The following HMG20A variants were observed in gnomAD, a reference collection of about 807,000 sequenced individuals.
The protein encoded by HMG20A is high mobility group protein 20A.
In HMG20A, 17 loss-of-function variants were observed where a neutral mutation model predicts 43.9. The observed-to-expected ratio is 0.39, with a 90% CI of 0.27 to 0.58. HMG20A has a LOEUF of 0.58. Among genes scored for constraint, HMG20A ranks in the 20% least tolerant of loss-of-function variants. HMG20A has a pLI of 0.59. For synonymous variants in HMG20A, 132 were observed against 147.5 expected (o/e 0.89, Z 0.76); for missense variants, 341 against 438.2 (o/e 0.78, Z 1.98).
At chr15:77,450,259 T>C (rs1021912291) in intron 1 of HMG20A, among the ~76,000 whole-genome samples, 3 of 151,924 alleles carry the variant, frequency 2.0e-5, no homozygotes. Context: ...CCTCCCCGAG[T>C]AGCTAGGACT....
At chr15:77,507,469 C>T in the HMG20A span, among the ~76,000 whole-genome samples, 3 of 152,152 alleles carry the variant, frequency 2.0e-5, no homozygotes, top group Non-Finnish European at 2.9e-5. Context: ...CTGAGGAAAA[C>T]TGAGTCTAGA....
the HMG20A span, among the ~76,000 whole-genome samples, chr15:77,515,978 G>C: frequency 6.6e-6 from 1 of 152,192 alleles, no homozygotes; most frequent in Non-Finnish European, 1.5e-5. Flanking sequence ...TCTCTAGTGG[G>C]CTGATGCTGC....
the HMG20A span, among the ~76,000 whole-genome samples, chr15:77,506,050 C>A: frequency 3.6e-4 from 55 of 150,858 alleles, no homozygotes; most frequent in Admixed American, 1.5e-3. Flanking sequence ...TTCTACCCCC[C>A]CACCTAGGGT....
intron 1 of HMG20A, among the ~76,000 whole-genome samples, chr15:77,441,741 C>T (rs2073615073): frequency 6.6e-6 from 1 of 152,040 alleles, no homozygotes; most frequent in Non-Finnish European, 1.5e-5. Flanking sequence ...CACAGTTAAG[C>T]TTTTTTTCCC....
chr15:77,514,747 A>G, the HMG20A span, among the ~76,000 whole-genome samples: 19 of 152,198 alleles, frequency 1.2e-4, no homozygotes, highest in African/African-American at 4.6e-4. Flanking sequence ...CGACATAATC[A>G]CATTGCATTG....
chr15:77,498,240 C>G, the HMG20A span, among the ~76,000 whole-genome samples: 1 of 152,262 alleles, frequency 6.6e-6, no homozygotes, highest in East Asian at 1.9e-4. Flanking sequence ...AGAGCTGCTG[C>G]CGGCACTTTC....
At chr15:77,474,800 T>A (rs16968848) in intron 6 of HMG20A, among the ~76,000 whole-genome samples, 1 of 151,994 alleles carries the variant, frequency 6.6e-6, no homozygotes, top group African/African-American at 2.4e-5. Flanking sequence ...AAAGTAAAAG[T>A]CTCTTGAGAG....
chr15:77,458,680 A>C (rs547134058), intron 2 of HMG20A, 184 bp downstream of exon 2: 2 of 446,234 alleles, frequency 4.5e-6, no homozygotes, highest in Non-Finnish European at 8.0e-6. Context: ...TATCTTTTGC[A>C]GTGCTCTGGT....
intron 6 of HMG20A, 138 bp downstream of exon 6, chr15:77,471,952 A>G (rs139707261): frequency 1.1e-3 from 596 of 541,014 alleles, no homozygotes; most frequent in Non-Finnish European, 1.4e-3. Flanking sequence ...GAGATACTTT[A>G]GCTTGGGGGT....
the HMG20A span, among the ~76,000 whole-genome samples, chr15:77,491,260 C>T: frequency 6.6e-6 from 1 of 152,210 alleles, no homozygotes; most frequent in East Asian, 1.9e-4. Flanking sequence ...GGTTTAAAGA[C>T]TCAGCAAATG....
intron 4 of HMG20A, 141 bp downstream of exon 4, chr15:77,467,448 A>G (rs1439899166): frequency 5.9e-6 from 4 of 679,864 alleles, no homozygotes; most frequent in Admixed American, 2.8e-5. Flanking sequence ...AGGGTCCATC[A>G]TAGCAATTTT....
chr15:77,421,060 TGAA>T (rs930907613), intron 1 of HMG20A, 56 bp downstream of exon 1: 41 of 397,400 alleles, frequency 1.0e-4, no homozygotes, highest in Non-Finnish European at 1.6e-4. Flanking sequence ...CTTCACCCCT[TGAA>T]GATCACCCCT....
At chr15:77,430,392 G>A (rs2073472126) in intron 1 of HMG20A, among the ~76,000 whole-genome samples, 2 of 152,170 alleles carry the variant, frequency 1.3e-5, no homozygotes, top group Non-Finnish European at 2.9e-5. Flanking sequence ...TAATGCTTTT[G>A]CTAAGAACAG....
At chr15:77,508,344 T>C in the HMG20A span, among the ~76,000 whole-genome samples, 1 of 152,182 alleles carries the variant, frequency 6.6e-6, no homozygotes, top group Non-Finnish European at 1.5e-5. Context: ...CTCCCTTCGT[T>C]GCTTCTTGCA....
intron 1 of HMG20A, among the ~76,000 whole-genome samples, chr15:77,444,338 T>C (rs929969044): frequency 6.6e-6 from 1 of 152,188 alleles, no homozygotes; most frequent in Admixed American, 6.5e-5. Flanking sequence ...GTTCTGTAGA[T>C]TCTTATTCCC....
chr15:77,516,986 C>A, the HMG20A span, among the ~76,000 whole-genome samples: 1 of 152,218 alleles, frequency 6.6e-6, no homozygotes, highest in East Asian at 1.9e-4. Flanking sequence ...GGTGGCCTCA[C>A]CGTCCCGCAC....
chr15:77,446,957 A>G (rs17471280), intron 1 of HMG20A, among the ~76,000 whole-genome samples: 12,101 of 152,182 alleles, frequency 0.08, 589 homozygotes, highest in Non-Finnish European at 0.1. Flanking sequence ...ACCTTTTCAT[A>G]TATCACAGGC....
At chr15:77,516,793 C>T in the HMG20A span, among the ~76,000 whole-genome samples, 2 of 152,238 alleles carry the variant, frequency 1.3e-5, no homozygotes, top group East Asian at 1.9e-4. Flanking sequence ...ACAGCAAGCG[C>T]GTAGGCTAGA....
At chr15:77,453,523 C>T (rs1012463997) in intron 1 of HMG20A, among the ~76,000 whole-genome samples, 1 of 152,066 alleles carries the variant, frequency 6.6e-6, no homozygotes, top group Non-Finnish European at 1.5e-5. Flanking sequence ...TTGATTTTCT[C>T]AAAATATTAA....
Sources: gnomAD v4.1 joint callset for allele counts (sites outside exome capture counted in the v4.1 genomes callset) on GRCh38, gnomAD v4.1.1 for gene constraint, MANE v1.5 for transcripts, NCBI Gene and HGNC (gene_info 2026-07-23, HGNC 2026-07-21) for gene names.